Variants in PCDHGB1 observed in about 807,000 individuals in gnomAD.
PCDHGB1 encodes protocadherin gamma-B1.
PCDHGB1 carries 34 observed loss-of-function variants against 56.6 expected under a neutral mutation model. The observed-to-expected ratio is 0.60, with a 90% CI of 0.46 to 0.80. PCDHGB1 has a LOEUF of 0.80. Ranked by LOEUF, PCDHGB1 falls within the 30% of genes least tolerant of loss-of-function variation. PCDHGB1 has a pLI of 0.00. For synonymous variants in PCDHGB1, 561 were observed against 505.9 expected (o/e 1.11, Z -1.46); for missense variants, 1,278 against 1,204.6 (o/e 1.06, Z -0.90).
At chr5:141,450,792 G>T (rs1222162745) in intron 1 of PCDHGB1, among the ~76,000 whole-genome samples, 2 of 149,686 alleles carry the variant, frequency 1.3e-5, no homozygotes, top group Non-Finnish European at 3.0e-5. Context: ...CGGACCTCAT[G>T]ATTGTATTTA....
chr5:141,368,555 A>G (rs1400384896), intron 1 of PCDHGB1, among the ~76,000 whole-genome samples: 1 of 152,208 alleles, frequency 6.6e-6, no homozygotes, highest in Non-Finnish European at 1.5e-5. Context: ...TTTTAAAAGA[A>G]AATGTTATAT....
At chr5:141,357,099 G>A (rs1760468587) in intron 1 of PCDHGB1, 1 of 1,613,872 alleles carries the variant, frequency 6.2e-7, no homozygotes, top group Non-Finnish European at 8.5e-7. Flanking sequence ...GGGCCCTGCT[G>A]GACAGAGACG....
chr5:141,371,726 T>C (rs769173416), intron 1 of PCDHGB1: 1 of 1,614,050 alleles, frequency 6.2e-7, no homozygotes, highest in Non-Finnish European at 8.5e-7. Flanking sequence ...ACATCCTTGA[T>C]GTCAACGACA....
At position 141,486,878 on chromosome 5, in the gene PCDHGB1, C is replaced by T. The variant is rs772994346; in HGVS notation, c.2410-7929C>T. ...CAATGCTCCAGCTGTGCTCCGTCCT[C>T]GGGCCCGGCCTGGTTCCTTATGTCC... On this transcript the variant is annotated intron_variant, in intron 1 of 3. Transcript: ENST00000523390. The surrounding 1 kb of genome is among the most constrained non-coding windows in gnomAD (Gnocchi z 5.0). 3.0e-5 allele frequency: 49 copies of T among 1,614,114 alleles called. No homozygotes were observed. The highest frequency in any genetic ancestry group is 4.4e-5 in the South Asian group (4 of 91,088).
At chr5:141,385,000 T>C (rs1271412814) in intron 1 of PCDHGB1, 1 of 1,614,138 alleles carries the variant, frequency 6.2e-7, no homozygotes, top group South Asian at 1.1e-5. Flanking sequence ...GGCCACAGTC[T>C]CCTGCGTCTT....
At chr5:141,482,901 A>G (rs192886570) in intron 1 of PCDHGB1, among the ~76,000 whole-genome samples, 1 of 152,122 alleles carries the variant, frequency 6.6e-6, no homozygotes, top group Admixed American at 6.6e-5. Context: ...GTGAAACCTC[A>G]TCTCTATTAA....
intron 1 of PCDHGB1, chr5:141,356,107 A>C: frequency 6.2e-7 from 1 of 1,613,872 alleles, no homozygotes; most frequent in Non-Finnish European, 8.5e-7. Flanking sequence ...GGATATAACA[A>C]TATTGGGGGG....
At chr5:141,421,977 G>A in intron 1 of PCDHGB1, 1 of 1,609,542 alleles carries the variant, frequency 6.2e-7, no homozygotes, top group Admixed American at 1.7e-5. Context: ...TATATCGCGT[G>A]AGTGTTCCAG....
At chr5:141,501,312 C>T (rs2099807672) in intron 2 of PCDHGB1, among the ~76,000 whole-genome samples, 1 of 151,778 alleles carries the variant, frequency 6.6e-6, no homozygotes, top group South Asian at 2.1e-4. Context: ...CACACACACA[C>T]ACACACACAC....
At chr5:141,374,388 G>T (rs779801370) in intron 1 of PCDHGB1, 3 of 1,614,044 alleles carry the variant, frequency 1.9e-6, no homozygotes, top group Non-Finnish European at 2.5e-6. Context: ...AGCCCGCGGT[G>T]TCTGGTGAGT....
At chr5:141,361,147 C>G in intron 1 of PCDHGB1, 1 of 1,613,956 alleles carries the variant, frequency 6.2e-7, no homozygotes, top group Non-Finnish European at 8.5e-7. Flanking sequence ...AGTTGAAATT[C>G]TTGATGACAA....
intron 1 of PCDHGB1, among the ~76,000 whole-genome samples, chr5:141,472,980 C>CAAAAAAAAAAAAAAAAA (rs60579131): frequency 5.8e-5 from 5 of 86,060 alleles, no homozygotes; most frequent in African/African-American, 3.9e-5. Context: ...GAGTGAAACT[C>CAAAAAAAAAAAAAAAAA]AAAAAAAAAA....
chr5:141,375,843 T>C (rs762152746), intron 1 of PCDHGB1: 1 of 1,614,046 alleles, frequency 6.2e-7, no homozygotes, highest in Admixed American at 1.7e-5. Context: ...CCCGGCTACC[T>C]GGTGACCAAG....
At chr5:141,361,453 C>T (rs758759325) in intron 1 of PCDHGB1, 1 of 1,613,928 alleles carries the variant, frequency 6.2e-7, no homozygotes, top group East Asian at 2.2e-5. Context: ...AATTGTCACC[C>T]TGCACATCTC....
Position 141,476,715 on chromosome 5 carries a change from G to C in PCDHGB1, c.2410-18092G>C. 6.2e-7 allele frequency: 1 copy of C among 1,614,168 alleles called. No individual in the cohort carries two copies. The highest frequency in any genetic ancestry group is 8.5e-7 in the Non-Finnish European group (1 of 1,180,030). On this transcript the variant is annotated intron_variant, in intron 1 of 3. Transcript: ENST00000523390. The surrounding 1 kb of genome is among the most constrained non-coding windows in gnomAD (Gnocchi z 7.6). ...AAGTACGCGGAGCTGGTGTTGGAGC[G>C]CGCCCTGGACCGAGAACGGGAGCCT...
At chr5:141,387,211 C>T (rs184165131) in intron 1 of PCDHGB1, among the ~76,000 whole-genome samples, 35 of 152,068 alleles carry the variant, frequency 2.3e-4, no homozygotes, top group African/African-American at 7.7e-4. Flanking sequence ...TGATACTCTC[C>T]GGAAAAAGTT....
Position 141,490,480 on chromosome 5 carries a change from C to G in PCDHGB1, c.2410-4327C>G. On this transcript the variant is annotated intron_variant, in intron 1 of 3. Coordinates refer to ENST00000523390, the MANE Select transcript of PCDHGB1 (RefSeq NM_018922.3). This position sits in a 1 kb window ranked among gnomAD's most constrained non-coding sequence, Gnocchi z 5.4. The stretch of plus-strand genomic sequence containing the variant: ...GCTGCTAACCAGCCAGCCTTTGGAC[C>G]GGGAGGCCACATCCCACTATATCAT... 2.5e-6 allele frequency: 4 copies of G among 1,614,194 alleles called. No homozygotes were observed. The highest frequency in any genetic ancestry group is 3.4e-6 in the Non-Finnish European group (4 of 1,180,050).
rs375619778 is a variant in PCDHGB1, at chr5:141,399,361, C to G, written c.2409+46692C>G. 11 of 1,613,960 alleles carry G rather than the reference C, an allele frequency of 6.8e-6. No homozygotes were observed. The Admixed American group carries it at 1.8e-4, about 27-fold the overall frequency. On this transcript the variant is annotated intron_variant, in intron 1 of 3. Transcript: ENST00000523390. ...TGGAACCCTAGACCGAGAGCAAACC[C>G]CGGAGTACAATGTCACCATCACAGC...
chr5:141,423,338 T>A, intron 1 of PCDHGB1: 1 of 1,614,150 alleles, frequency 6.2e-7, no homozygotes, highest in Middle Eastern at 1.6e-4. Flanking sequence ...GTCTCCTGCA[T>A]CTTCCTGGTC....
Sources: gnomAD v4.1 joint callset for allele counts (sites outside exome capture counted in the v4.1 genomes callset) on GRCh38, gnomAD v4.1.1 for gene constraint, Gnocchi (gnomAD v3.1) non-coding constraint, MANE v1.5 for transcripts, NCBI Gene and HGNC (gene_info 2026-07-23, HGNC 2026-07-21) for gene names.